The following MYO16 variants were observed in gnomAD, a reference collection of about 807,000 sequenced individuals.
The protein encoded by MYO16 is unconventional myosin-XVI.
In MYO16, 94 loss-of-function variants were observed where a neutral mutation model predicts 205.3. The observed-to-expected ratio is 0.46, with a 90% CI of 0.39 to 0.54. The LOEUF is 0.54. Ranked by LOEUF, MYO16 falls within the 20% of genes least tolerant of loss-of-function variation. The pLI is 0.00. For missense variants in MYO16, 2,315 were observed against 2,387.5 expected, an observed-to-expected ratio of 0.97 and a Z score of 0.63; for synonymous variants, 988 against 954.0, an observed-to-expected ratio of 1.04 and a Z score of -0.66.
At position 108,873,287 on chromosome 13, in the gene MYO16, C is replaced by T. The variant is rs540420656; in HGVS notation, c.1425+7045C>T. On this transcript the variant is annotated intron_variant, in intron 12 of 34. Transcript: ENST00000457511. The stretch of plus-strand genomic sequence containing the variant: ...ATTATAAAGACGAGGAGAATGACTT[C>T]TCCATTTCATATTTAAAAAGAAATT... 1.2e-3 allele frequency among the ~76,000 whole-genome samples: 186 copies of T among 152,302 alleles called. 1 individual carries two copies. The highest frequency in any genetic ancestry group is 4.1e-3 in the African/African-American group (169 of 41,568).
At chr13:108,827,544 A>G (rs1172425712) in intron 9 of MYO16, among the ~76,000 whole-genome samples, 3 of 152,166 alleles carry the variant, frequency 2.0e-5, no homozygotes, top group Non-Finnish European at 4.4e-5. Flanking sequence ...TCCAATCAGC[A>G]TTCCTAAGTT....
At chr13:108,592,344 GGA>G (rs1878423170), upstream of MYO16, among the ~76,000 whole-genome samples, 1 of 140,470 alleles carries the variant, frequency 7.1e-6, no homozygotes, top group Non-Finnish European at 1.6e-5. Context: ...ACTGTGTGTG[GGA>G]TGTGTGTGTG....
chr13:108,908,828 G>T (rs1215975031), intron 15 of MYO16, among the ~76,000 whole-genome samples: 4 of 151,728 alleles, frequency 2.6e-5, no homozygotes, highest in Non-Finnish European at 5.9e-5. Context: ...ACAAAAATTA[G>T]CTGGTGTGGT....
intron 23 of MYO16, among the ~76,000 whole-genome samples, chr13:109,021,257 C>T (rs1333784505): frequency 6.6e-6 from 1 of 152,094 alleles, no homozygotes; most frequent in Non-Finnish European, 1.5e-5. Context: ...TAAAAGCACA[C>T]CACAGAAAAG....
At chr13:108,853,990 T>TTTTG (rs1256259651) in intron 10 of MYO16, among the ~76,000 whole-genome samples, 18 of 33,156 alleles carry the variant, frequency 5.4e-4, no homozygotes, top group Non-Finnish European at 1.3e-3. Context: ...GTGTGTGTAT[T>TTTTG]TTTGTTTGTT....
intron 16 of MYO16, among the ~76,000 whole-genome samples, chr13:108,910,995 TAGG>T (rs1881230580): frequency 6.6e-6 from 1 of 151,118 alleles, no homozygotes; most frequent in South Asian, 2.1e-4. Flanking sequence ...TGCACAATTT[TAGG>T]AGAACTTTTG....
intron 4 of MYO16, among the ~76,000 whole-genome samples, chr13:108,772,156 C>T (rs1356411365): frequency 2.0e-5 from 3 of 151,918 alleles, no homozygotes; most frequent in Non-Finnish European, 2.9e-5. Flanking sequence ...AGAGACAAGC[C>T]GGGGCAACAT....
intron 17 of MYO16, among the ~76,000 whole-genome samples, chr13:108,960,544 C>T (rs530785284): frequency 3.3e-5 from 5 of 152,062 alleles, no homozygotes; most frequent in South Asian, 4.1e-4. Flanking sequence ...GGGAAAATCA[C>T]GGAAGTCTCA....
intron 23 of MYO16, among the ~76,000 whole-genome samples, chr13:109,037,136 C>T (rs1886744440): frequency 6.6e-6 from 1 of 152,184 alleles, no homozygotes; most frequent in South Asian, 2.1e-4. Flanking sequence ...TTTTTCTTTC[C>T]TAGAAATGCT....
chr13:108,997,408 G>GAGGAAAGGAAAGAAA (rs1885063529), intron 21 of MYO16, among the ~76,000 whole-genome samples: 1 of 84,148 alleles, frequency 1.2e-5, no homozygotes, highest in African/African-American at 4.4e-5. Context: ...GGGAGAGTGG[G>GAGGAAAGGAAAGAAA]AGGAAAGGAA....
At chr13:109,139,808 T>A (rs1876952407) in intron 31 of MYO16, among the ~76,000 whole-genome samples, 2 of 150,464 alleles carry the variant, frequency 1.3e-5, no homozygotes, top group Non-Finnish European at 3.0e-5. Context: ...ACAAGTAGTT[T>A]AGGTCGGGGG....
chr13:109,074,399 A>G (rs1888021649), intron 27 of MYO16, among the ~76,000 whole-genome samples: 1 of 152,192 alleles, frequency 6.6e-6, no homozygotes, highest in African/African-American at 2.4e-5. Context: ...ATTGACTCTC[A>G]GTTCTGCATG....
chr13:108,747,918 C>T (rs1197939352), intron 4 of MYO16, among the ~76,000 whole-genome samples: 3 of 152,084 alleles, frequency 2.0e-5, no homozygotes, highest in African/African-American at 2.4e-5. Context: ...TTATAGACTT[C>T]ATTACCCTTT....
At chr13:108,761,727 C>T (rs1311517385) in intron 4 of MYO16, among the ~76,000 whole-genome samples, 1 of 152,156 alleles carries the variant, frequency 6.6e-6, no homozygotes, top group African/African-American at 2.4e-5. Flanking sequence ...ACTGAGGGAT[C>T]GTCTATTTCC....
chr13:108,754,023 A>C (rs561217203), intron 4 of MYO16, among the ~76,000 whole-genome samples: 196 of 152,386 alleles, frequency 1.3e-3, no homozygotes, highest in Non-Finnish European at 1.0e-3. Context: ...CTGGTAAAGC[A>C]GTCATTGCGT....
At chr13:108,546,697 G>T in the MYO16 span, among the ~76,000 whole-genome samples, 2 of 152,090 alleles carry the variant, frequency 1.3e-5, no homozygotes, top group Non-Finnish European at 2.9e-5. Context: ...AGAATGCCAT[G>T]GTCCTCACTC....
chr13:108,694,599 C>T (rs1883020066), intron 2 of MYO16, among the ~76,000 whole-genome samples: 1 of 152,140 alleles, frequency 6.6e-6, no homozygotes, highest in East Asian at 1.9e-4. Context: ...TTGGTATACA[C>T]ATTTTATATA....
At chr13:108,957,253 A>G (rs1016372249) in intron 16 of MYO16, among the ~76,000 whole-genome samples, 1 of 151,918 alleles carries the variant, frequency 6.6e-6, no homozygotes, top group Non-Finnish European at 1.5e-5. Context: ...GCGTGGTGGC[A>G]CGCACCTGTA....
chr13:108,835,189 G>A (rs1313446090), intron 9 of MYO16, among the ~76,000 whole-genome samples: 1 of 152,046 alleles, frequency 6.6e-6, no homozygotes, highest in Non-Finnish European at 1.5e-5. Context: ...GCATTCCCTG[G>A]GAGGGACCTG....
Sources: gnomAD v4.1 joint callset for allele counts (sites outside exome capture counted in the v4.1 genomes callset) on GRCh38, gnomAD v4.1.1 for gene constraint, MANE v1.5 for transcripts, NCBI Gene and HGNC (gene_info 2026-07-23, HGNC 2026-07-21) for gene names.